PCBP3: variants seen among roughly 807,000 people sequenced by gnomAD.
PCBP3 encodes the protein poly(rC)-binding protein 3.
A neutral mutation model predicts 52.7 loss-of-function variants in PCBP3; 25 were observed. That is an observed-to-expected ratio of 0.47 (90% CI 0.35 to 0.66). The LOEUF is 0.66. Among genes scored for constraint, PCBP3 ranks in the 30% least tolerant of loss-of-function variants. PCBP3 has a pLI of 0.01. For missense variants in PCBP3, 391 were observed against 490.3 expected (o/e 0.80, Z 1.91); for synonymous variants, 162 against 183.0 (o/e 0.89, Z 0.93).
chr21:45,657,129 T>C (rs926122684), intron 1 of PCBP3, among the ~76,000 whole-genome samples: 1 of 152,218 alleles, frequency 6.6e-6, no homozygotes, highest in Non-Finnish European at 1.5e-5. Flanking sequence ...CCTCATTTTC[T>C]TGATAGTATC....
intron 5 of PCBP3, among the ~76,000 whole-genome samples, chr21:45,876,416 G>T (rs924630415): frequency 6.6e-6 from 1 of 152,226 alleles, no homozygotes; most frequent in Non-Finnish European, 1.5e-5. Flanking sequence ...CATGAGACCA[G>T]TGTGGCTGGG....
chr21:45,839,989 G>C (rs2093665755), intron 4 of PCBP3, among the ~76,000 whole-genome samples: 1 of 151,840 alleles, frequency 6.6e-6, no homozygotes, highest in African/African-American at 2.4e-5. Context: ...GCCTACCCCT[G>C]TGTCTTAGTT....
chr21:45,784,428 C>CTACCTCTACCGCTACCT, intron 4 of PCBP3, among the ~76,000 whole-genome samples: 1 of 67,688 alleles, frequency 1.5e-5, no homozygotes, highest in African/African-American at 1.5e-4. Flanking sequence ...ACCCCTACCT[C>CTACCTCTACCGCTACCT]CTACCTCCTA....
intron 2 of PCBP3, among the ~76,000 whole-genome samples, chr21:45,684,055 CAAAAA>C (rs71334088): frequency 2.5e-5 from 2 of 78,472 alleles, no homozygotes; most frequent in Admixed American, 1.2e-4. Context: ...CCCATCTCTA[CAAAAA>C]AAAAAAAAAA....
intron 4 of PCBP3, among the ~76,000 whole-genome samples, chr21:45,781,990 C>G (rs543450649): frequency 2.6e-5 from 4 of 152,140 alleles, no homozygotes; most frequent in Non-Finnish European, 5.9e-5. Flanking sequence ...TCTCAAGATT[C>G]GTCAGTGCCG....
chr21:45,882,758 C>T (rs1292238757), intron 5 of PCBP3, among the ~76,000 whole-genome samples: 1 of 152,116 alleles, frequency 6.6e-6, no homozygotes, highest in Non-Finnish European at 1.5e-5. Flanking sequence ...TCCAGTTTCC[C>T]CAACACCGTT....
chr21:45,659,102 T>C (rs1337990838), intron 1 of PCBP3, among the ~76,000 whole-genome samples: 2 of 151,672 alleles, frequency 1.3e-5, no homozygotes, highest in Non-Finnish European at 2.9e-5. Flanking sequence ...AAAAAAACTT[T>C]GGTTTCATTG....
intron 5 of PCBP3, among the ~76,000 whole-genome samples, chr21:45,856,597 C>G (rs1452526827): frequency 6.6e-6 from 1 of 152,148 alleles, no homozygotes; most frequent in African/African-American, 2.4e-5. Context: ...ACGCCCCCCC[C>G]ACCCCCGCTC....
chr21:45,707,607 A>C (rs1434366486), intron 2 of PCBP3, among the ~76,000 whole-genome samples: 1 of 152,174 alleles, frequency 6.6e-6, no homozygotes, highest in Admixed American at 6.5e-5. Flanking sequence ...TCCAGTGAGC[A>C]CCTCTGTCCA....
intron 4 of PCBP3, among the ~76,000 whole-genome samples, chr21:45,815,637 GGTGA>G (rs1311178614): frequency 4.8e-5 from 4 of 83,270 alleles, no homozygotes; most frequent in African/African-American, 2.6e-4. Context: ...AGTGGTGAGT[GGTGA>G]GTGAGTGGTG....
chr21:45,920,588 G>A (rs1179977712), intron 13 of PCBP3, among the ~76,000 whole-genome samples: 2 of 152,254 alleles, frequency 1.3e-5, no homozygotes, highest in Non-Finnish European at 2.9e-5. Context: ...CAAGGTGACA[G>A]TATTAGAGGG....
intron 2 of PCBP3, among the ~76,000 whole-genome samples, chr21:45,725,426 G>A (rs916831247): frequency 1.3e-5 from 2 of 152,224 alleles, no homozygotes; most frequent in African/African-American, 2.4e-5. Flanking sequence ...CACAGATGTG[G>A]AGGCACAGAT....
At chr21:45,699,891 A>G (rs1298097724) in intron 2 of PCBP3, among the ~76,000 whole-genome samples, 1 of 152,114 alleles carries the variant, frequency 6.6e-6, no homozygotes, top group Admixed American at 6.5e-5. Flanking sequence ...TTGGGTGGGG[A>G]CACAGCCAAA....
intron 2 of PCBP3, among the ~76,000 whole-genome samples, chr21:45,707,438 C>T (rs1196154004): frequency 6.6e-6 from 1 of 152,124 alleles, no homozygotes; most frequent in Non-Finnish European, 1.5e-5. Flanking sequence ...ATCGCTTGAA[C>T]CTGGGAAGCA....
chr21:45,934,483 G>A (rs1164614868), intron 15 of PCBP3, among the ~76,000 whole-genome samples: 1 of 152,168 alleles, frequency 6.6e-6, no homozygotes, highest in East Asian at 1.9e-4. Context: ...TAGGCTTGAT[G>A]ATCAATTAGA....
intron 14 of PCBP3, among the ~76,000 whole-genome samples, chr21:45,930,440 G>A (rs138499258): frequency 1.5e-3 from 223 of 152,316 alleles, no homozygotes; most frequent in African/African-American, 4.7e-3. Flanking sequence ...GTGGCACCCA[G>A]CCCTGCCCCA....
At chr21:45,896,932 CATGGCACATAGAACCGGAGAT>C in intron 6 of PCBP3, among the ~76,000 whole-genome samples, 1 of 123,160 alleles carries the variant, frequency 8.1e-6, no homozygotes, top group African/African-American at 3.5e-5. Context: ...GAAAGGCGGA[CATGGCACATAGAACCGGAGAT>C]GCACTGCCCG....
intron 1 of PCBP3, among the ~76,000 whole-genome samples, chr21:45,655,987 G>A: frequency 6.6e-6 from 1 of 152,156 alleles, no homozygotes; most frequent in Admixed American, 6.5e-5. Flanking sequence ...AAAAAGTCAG[G>A]AAACAACAGA....
intron 8 of PCBP3, 106 bp from the exon 9 acceptor site, chr21:45,900,891 G>A (rs1547240): frequency 0.4 from 314,006 of 789,768 alleles, 66,329 homozygotes; most frequent in African/African-American, 0.7. Context: ...TTCCGTCAGC[G>A]GACAGAGGCA....
Sources: allele counts gnomAD v4.1 joint callset (sites outside exome capture counted in the v4.1 genomes callset), GRCh38; gene constraint gnomAD v4.1.1; transcripts MANE v1.5; gene names NCBI Gene and HGNC (gene_info 2026-07-23, HGNC 2026-07-21).